Variants in FYTTD1 observed in about 807,000 individuals in gnomAD.
The protein encoded by FYTTD1 is forty-two-three domain containing 1, also known as UAP56-interacting factor.
Under a neutral mutation model 40.9 loss-of-function variants are expected in FYTTD1, and 22 were observed. That is an observed-to-expected ratio of 0.54 (90% confidence interval 0.38 to 0.77). The LOEUF (loss-of-function observed/expected upper bound fraction) is 0.77. FYTTD1 is among the 30% of genes least tolerant of loss of function. FYTTD1 has a pLI of 0.00. For synonymous variants in FYTTD1, 140 were observed against 137.9 expected, an observed-to-expected ratio of 1.01 and a Z score of -0.10; for missense variants, 351 against 392.2, an observed-to-expected ratio of 0.90 and a Z score of 0.89.
intron 8 of FYTTD1, among the ~76,000 whole-genome samples, chr3:197,781,095 C>G (rs1408055409): frequency 1.3e-5 from 2 of 151,796 alleles, no homozygotes; most frequent in African/African-American, 4.8e-5. Context: ...AGGTGGATCA[C>G]TTGGGGTCAG....
At chr3:197,757,253 G>A (rs1729239148) in intron 2 of FYTTD1, among the ~76,000 whole-genome samples, 1 of 152,194 alleles carries the variant, frequency 6.6e-6, no homozygotes, top group Non-Finnish European at 1.5e-5. Context: ...ATTGAAGGCA[G>A]TAATTGAACA....
chr3:197,769,767 A>G (rs1379148873), intron 3 of FYTTD1, among the ~76,000 whole-genome samples: 2 of 152,022 alleles, frequency 1.3e-5, no homozygotes, highest in South Asian at 2.1e-4. Context: ...TCCCTGATTT[A>G]TATCTATGGC....
Position 197,749,940 on chromosome 3 carries a change from C to T in FYTTD1, c.-32C>T, listed in dbSNP as rs776510184. ...GGCAGGCCTGCGACTCCGGCCTTGT[C>T]CGCGCCCGCTCTCGGCGCGACGTCT... On this transcript the variant is annotated 5_prime_UTR_variant, in exon 1 of 9. Coordinates refer to ENST00000241502, the MANE Select transcript of FYTTD1 (RefSeq NM_032288.7). 6.1e-6 allele frequency: 9 copies of T among 1,478,628 alleles called. No homozygotes were observed. In the East Asian group the frequency reaches 2.2e-4, roughly 36 times the overall value. The allele number at this position is 1,478,628 out of a possible 1,614,324, so 91.6% of individuals were successfully genotyped here. A position where few individuals can be genotyped will look rare whatever the true frequency, so the allele number is the denominator to read the frequency against.
At chr3:197,775,514 C>T (rs1329981473) in intron 6 of FYTTD1, among the ~76,000 whole-genome samples, 1 of 151,904 alleles carries the variant, frequency 6.6e-6, no homozygotes, top group Non-Finnish European at 1.5e-5. Flanking sequence ...GTTCCAGGCC[C>T]ACTGAAGAGA....
chr3:197,757,999 G>A (rs1209947463), intron 2 of FYTTD1, among the ~76,000 whole-genome samples: 2 of 152,220 alleles, frequency 1.3e-5, no homozygotes, highest in African/African-American at 4.8e-5. Context: ...TGCCTCCCGG[G>A]TTCAAGCGAT....
chr3:197,778,873 A>C (rs1331557181), intron 8 of FYTTD1, among the ~76,000 whole-genome samples: 1 of 152,192 alleles, frequency 6.6e-6, no homozygotes, highest in Non-Finnish European at 1.5e-5. Context: ...TTGTGTGAGC[A>C]TCTGTTTTCA....
In FYTTD1 at chr3:197,784,371, A is replaced by G. The variant is rs1420507056; in HGVS notation, c.*2462A>G. ...TGTTACGAAGAACTTTGTAGTGGTT[A>G]TCTATATTTGTAGTTTTTAGGGTGT... On this transcript the variant is annotated 3_prime_UTR_variant, in exon 9 of 9. Coordinates refer to ENST00000241502, the MANE Select transcript of FYTTD1 (RefSeq NM_032288.7). The G allele has an allele frequency of 6.6e-6, 1 of 152,224 alleles. No homozygotes were observed. Among genetic ancestry groups the G allele is most frequent in the East Asian group, 1.9e-4 (1 of 5,202 alleles). 9.4% of individuals were successfully genotyped at this position (152,224 alleles called of 1,614,324 possible).
At chr3:197,775,999 C>T (rs977552926) in intron 6 of FYTTD1, among the ~76,000 whole-genome samples, 1 of 151,938 alleles carries the variant, frequency 6.6e-6, no homozygotes, top group African/African-American at 2.4e-5. Flanking sequence ...AACAAAGGAG[C>T]AGAGGTGGAG....
chr3:197,750,574 G>C (rs979252555), intron 1 of FYTTD1: 3 of 985,426 alleles, frequency 3.0e-6, no homozygotes, highest in South Asian at 4.7e-5. Flanking sequence ...AGCTTTCCCT[G>C]GTCGCCGGGC....
chr3:197,780,396 T>C (rs1438765686), intron 8 of FYTTD1, among the ~76,000 whole-genome samples: 1 of 152,208 alleles, frequency 6.6e-6, no homozygotes, highest in Non-Finnish European at 1.5e-5. Context: ...TCTTTAAACC[T>C]TTTCTTTTTC....
chr3:197,750,173 C>G lies in FYTTD1; in HGVS notation c.103+99C>G, dbSNP rs896085469. On this transcript the variant is annotated intron_variant, in intron 1 of 8. Transcript: ENST00000241502. ...GGCAGGGGCGGTCGGCAGCAGTTGC[C>G]GGCGGAGTTTTCTCGCTGGTGGGCG... 6.1e-6 allele frequency: 6 copies of G among 988,556 alleles called. No homozygotes were observed. The East Asian group carries it at 9.9e-5, about 16-fold the overall frequency. 61.2% of individuals were successfully genotyped at this position (988,556 alleles called of 1,614,324 possible).
chr3:197,779,463 A>G (rs76566381), intron 8 of FYTTD1, among the ~76,000 whole-genome samples: 6 of 150,756 alleles, frequency 4.0e-5, no homozygotes, highest in Non-Finnish European at 8.9e-5. Context: ...TAACCATATT[A>G]AGCTTGTATC....
At chr3:197,750,341 C>A in intron 1 of FYTTD1, 1 of 1,145,502 alleles carries the variant, frequency 8.7e-7, no homozygotes, top group South Asian at 4.2e-5. Context: ...CGCTGCGGGC[C>A]CGAAGGTTCG....
chr3:197,766,219 G>C (rs1287104835), intron 2 of FYTTD1, among the ~76,000 whole-genome samples: 2 of 150,776 alleles, frequency 1.3e-5, no homozygotes, highest in African/African-American at 4.9e-5. Flanking sequence ...TCACCTTCTA[G>C]AAACTCACAT....
chr3:197,766,676 C>G (rs981879619), intron 2 of FYTTD1, among the ~76,000 whole-genome samples: 1 of 151,986 alleles, frequency 6.6e-6, no homozygotes, highest in Non-Finnish European at 1.5e-5. Context: ...CTCCTGGGCT[C>G]AAGCAATCCA....
At chr3:197,769,124 G>A (rs1175371632) in intron 3 of FYTTD1, among the ~76,000 whole-genome samples, 1 of 151,660 alleles carries the variant, frequency 6.6e-6, no homozygotes, top group South Asian at 2.1e-4. Context: ...GTCTTGCTCT[G>A]TCGCCCAGGC....
chr3:197,756,593 T>G (rs1444222243), intron 2 of FYTTD1, 36 bp downstream of exon 2: 1 of 1,573,614 alleles, frequency 6.4e-7, no homozygotes, highest in African/African-American at 1.3e-5. Flanking sequence ...GGAAAGCTGT[T>G]ATTTGTGTGT....
chr3:197,750,753 G>GCTAGCTAA (rs1363165704), intron 1 of FYTTD1: 3 of 985,426 alleles, frequency 3.0e-6, no homozygotes, highest in Admixed American at 6.1e-5. Context: ...AGGCCTCAGA[G>GCTAGCTAA]CTAGCTAATG....
At chr3:197,770,665 A>T (rs1225522842) in intron 4 of FYTTD1, among the ~76,000 whole-genome samples, 1 of 151,694 alleles carries the variant, frequency 6.6e-6, no homozygotes, top group African/African-American at 2.4e-5. Context: ...CTCCCACATC[A>T]GCCTCCTGAG....
Sources: allele counts gnomAD v4.1 joint callset (sites outside exome capture counted in the v4.1 genomes callset), GRCh38; gene constraint gnomAD v4.1.1; transcripts MANE v1.5; gene names NCBI Gene and HGNC (gene_info 2026-07-23, HGNC 2026-07-21).